The following ZNF41 variants were observed in gnomAD, a reference collection of about 807,000 sequenced individuals.
The protein encoded by ZNF41 is zinc finger protein 41.
ZNF41 carries 6 observed loss-of-function variants against 9.3 expected under a neutral mutation model. The observed-to-expected ratio is 0.65, with a 90% CI of 0.35 to 1.28. The LOEUF is 1.28. Among genes scored for constraint, ZNF41 ranks in the 50% most tolerant of loss-of-function variants. ZNF41 has a pLI of 0.03. For missense variants in ZNF41, 523 were observed against 585.8 expected (o/e 0.89, Z 1.11); for synonymous variants, 192 against 207.1 (o/e 0.93, Z 0.63).
chrX:47,450,064 T>C (rs1209100314), intron 4 of ZNF41, among the ~76,000 whole-genome samples: 2 of 111,970 alleles, frequency 1.8e-5, no homozygotes, highest in Non-Finnish European at 3.8e-5. Flanking sequence ...AAATTTAATG[T>C]TAATTTGAAC....
intron 1 of ZNF41, among the ~76,000 whole-genome samples, chrX:47,471,114 C>A (rs1424129180): frequency 9.0e-6 from 1 of 111,044 alleles, no homozygotes; most frequent in Non-Finnish European, 1.9e-5. Context: ...AGATTCATTT[C>A]TTTCATATGG....
chrX:47,469,651 G>A (rs1482610455), intron 1 of ZNF41, among the ~76,000 whole-genome samples: 2 of 111,469 alleles, frequency 1.8e-5, no homozygotes, highest in African/African-American at 6.5e-5. Context: ...AGGCCAAGGC[G>A]AGCGGATCAC....
intron 2 of ZNF41, among the ~76,000 whole-genome samples, chrX:47,457,059 C>T (rs2056590754): frequency 9.0e-6 from 1 of 111,727 alleles, no homozygotes; most frequent in Non-Finnish European, 1.9e-5. Context: ...AGAGAATGGA[C>T]TGCAATTTAT....
intron 1 of ZNF41, among the ~76,000 whole-genome samples, chrX:47,480,801 G>A (rs1243381596): frequency 9.5e-6 from 1 of 105,813 alleles, no homozygotes. Context: ...AGGCAAACTA[G>A]ATACCCTTGT....
In ZNF41 at chrX:47,448,467, C is replaced by T; in HGVS notation, c.1303G>A (p.Gly435Arg). 3 of 1,211,430 alleles carry T rather than the reference C, an allele frequency of 2.5e-6. No individual in the cohort carries two copies. The highest frequency in any genetic ancestry group is 2.2e-6 in the Non-Finnish European group (2 of 895,479). Residue 435 changes from glycine (G) to arginine (R), a missense_variant, in exon 5 of 5, where the codon GGA (glycine) becomes AGA (arginine). Physicochemically the swap from Gly to Arg is moderately radical, Grantham distance 125. Coordinates refer to ENST00000684689, the MANE Select transcript of ZNF41 (RefSeq NM_001324144.2). ...ALRMHQRIHT[G>R]EKPYVCADCG... ...TCAGCGCATACATAAGGTTTCTCTC[C>T]CGTGTGGATTCTCTGATGCATCCTG... is the stretch of plus-strand genomic sequence containing the variant.
chrX:47,480,243 G>A (rs182774472), intron 1 of ZNF41, among the ~76,000 whole-genome samples: 23 of 111,648 alleles, frequency 2.1e-4, no homozygotes, highest in African/African-American at 4.9e-4. Flanking sequence ...TATATCAGAA[G>A]AACTAAACAG....
chrX:47,450,553 A>C (rs1346496474), intron 4 of ZNF41, among the ~76,000 whole-genome samples: 1 of 111,169 alleles, frequency 9.0e-6, no homozygotes, highest in Non-Finnish European at 1.9e-5. Flanking sequence ...TGCTTATAAC[A>C]AGGCGTGTAA....
chrX:47,454,714 T>C (rs1321819517), intron 4 of ZNF41, among the ~76,000 whole-genome samples: 1 of 111,036 alleles, frequency 9.0e-6, no homozygotes, highest in Non-Finnish European at 1.9e-5. Flanking sequence ...ATGTAGCAAT[T>C]TGAAGAACAA....
chrX:47,478,084 CTGAGAGGAGGGGG>C (rs1243874106), intron 1 of ZNF41, among the ~76,000 whole-genome samples: 2 of 111,811 alleles, frequency 1.8e-5, no homozygotes, highest in Non-Finnish European at 3.8e-5. Flanking sequence ...TTGCCAGGGG[CTGAGAGGAGGGGG>C]TAATAAGAAG....
At chrX:47,479,706 TA>T (rs111579857) in intron 1 of ZNF41, among the ~76,000 whole-genome samples, 26,923 of 101,241 alleles carry the variant, frequency 0.27, 2,774 homozygotes, top group Middle Eastern at 0.41. Flanking sequence ...GATGAACTGT[TA>T]AAAAAAAAAA....
intron 2 of ZNF41, among the ~76,000 whole-genome samples, chrX:47,461,820 C>G (rs183223680): frequency 4.5e-4 from 46 of 102,845 alleles, no homozygotes; most frequent in Middle Eastern, 7.5e-3. Flanking sequence ...GGATCCTTCC[C>G]GCCTCAGCCT....
In ZNF41 at chrX:47,448,469, G is replaced by A. The variant is rs140982109; in HGVS notation, c.1301C>T (p.Thr434Met). The A allele has an allele frequency of 5.5e-5, 66 of 1,209,597 alleles. No individual in the cohort carries two copies. The highest frequency in any genetic ancestry group is 2.1e-4 in the East Asian group (7 of 33,725). Residue 434 changes from threonine (T) to methionine (M), a missense_variant, in exon 5 of 5, where the codon ACG becomes ATG. Transcript: ENST00000684689. ...AGCGCATACATAAGGTTTCTCTCCC[G>A]TGTGGATTCTCTGATGCATCCTGAG... is the stretch of plus-strand genomic sequence containing the variant. ...SALRMHQRIH[T>M]GEKPYVCADC...
intron 1 of ZNF41, among the ~76,000 whole-genome samples, chrX:47,476,301 C>A (rs780734168): frequency 1.8e-5 from 2 of 110,920 alleles, no homozygotes; most frequent in African/African-American, 6.6e-5. Context: ...TGCAGTGAGC[C>A]GAGATGGCAC....
chrX:47,449,491 A>G lies in ZNF41; in HGVS notation c.296-17T>C. 8.4e-7 allele frequency: 1 copy of G among 1,196,706 alleles called. No homozygotes were observed. Among genetic ancestry groups the G allele is most frequent in the Non-Finnish European group, 1.1e-6 (1 of 886,964 alleles). Reference sequence around the variant, plus strand: ...TAGCCTCACCTAAAAAGAAAATGAAAGAAATGAAAACGACACAAAGAACAA... The same window carrying G: ...TAGCCTCACCTAAAAAGAAAATGAAGGAAATGAAAACGACACAAAGAACAA... On this transcript the variant is annotated splice_polypyrimidine_tract_variant and intron_variant, in intron 4 of 4. Coordinates refer to ENST00000684689, the MANE Select transcript of ZNF41 (RefSeq NM_001324144.2).
At chrX:47,479,879 G>A (rs2057427525) in intron 1 of ZNF41, among the ~76,000 whole-genome samples, 1 of 111,585 alleles carries the variant, frequency 9.0e-6, no homozygotes, top group Non-Finnish European at 1.9e-5. Flanking sequence ...CGCAGATCAC[G>A]AGGTCAGGAG....
Position 47,447,932 on chromosome X carries a change from C to G in ZNF41, c.1838G>C (p.Gly613Ala). 1 of 1,211,337 alleles carries G rather than the reference C, an allele frequency of 8.3e-7. No individual in the cohort carries two copies. The highest frequency in any genetic ancestry group is 1.7e-5 in the African/African-American group (1 of 57,677). ...GEKPYVCPEC[G>A]KAFIQKSHFI... ...GTGCGATTTCTGGATAAAGGCCTTCCCGCATTCAGGACAAACGTACGGTTT... is the reference window on the plus strand; with the variant it reads ...GTGCGATTTCTGGATAAAGGCCTTCGCGCATTCAGGACAAACGTACGGTTT... Residue 613 changes from glycine to alanine, a missense_variant, in exon 5 of 5, where the codon GGG (glycine) becomes GCG (alanine). Physicochemically the swap from Gly to Ala is moderately conservative, Grantham distance 60. Coordinates refer to ENST00000684689, the MANE Select transcript of ZNF41 (RefSeq NM_001324144.2).
intron 2 of ZNF41, 179 bp downstream of exon 2, chrX:47,467,231 C>T (rs1017869684): frequency 7.8e-6 from 8 of 1,023,180 alleles, no homozygotes; most frequent in Admixed American, 5.4e-5. Flanking sequence ...TTGGATGTGG[C>T]CTCATCAGCC....
At chrX:47,474,653 G>A (rs1222038249) in intron 1 of ZNF41, among the ~76,000 whole-genome samples, 1 of 109,030 alleles carries the variant, frequency 9.2e-6, no homozygotes, top group Non-Finnish European at 1.9e-5. Context: ...AAGGTGGGTG[G>A]ATCGCTTGAG....
chrX:47,451,907 C>T (rs1319487432), intron 4 of ZNF41, among the ~76,000 whole-genome samples: 5 of 112,146 alleles, frequency 4.5e-5, no homozygotes, highest in Non-Finnish European at 7.5e-5. Flanking sequence ...CCAAATATCC[C>T]ATGTACCCCA....
Sources: allele counts gnomAD v4.1 joint callset (sites outside exome capture counted in the v4.1 genomes callset), GRCh38; gene constraint gnomAD v4.1.1; transcripts MANE v1.5; gene names NCBI Gene and HGNC (gene_info 2026-07-23, HGNC 2026-07-21).